AQP9: variants seen among roughly 807,000 people sequenced by gnomAD.
AQP9 encodes the protein aquaporin 9, also known as aquaporin-9.
Under a neutral mutation model 23.8 loss-of-function variants are expected in AQP9, and 19 were observed. That is an observed-to-expected ratio of 0.80 (90% CI 0.56 to 1.17). The LOEUF is 1.17. Among genes scored for constraint, AQP9 ranks in the 50% most tolerant of loss-of-function variants. AQP9 has a pLI of 0.00. For missense variants in AQP9, 413 were observed against 362.0 expected (o/e 1.14, Z -1.14); for synonymous variants, 153 against 131.5 (o/e 1.16, Z -1.12).
At chr15:58,140,462 A>C (rs1897932887) in intron 1 of AQP9, among the ~76,000 whole-genome samples, 1 of 152,214 alleles carries the variant, frequency 6.6e-6, no homozygotes, top group Admixed American at 6.5e-5. Flanking sequence ...TTTATACTAT[A>C]CATTTATTTT....
chr15:58,171,388 C>T (rs752214965), intron 2 of AQP9, among the ~76,000 whole-genome samples: 3 of 152,044 alleles, frequency 2.0e-5, no homozygotes, highest in African/African-American at 7.2e-5. Flanking sequence ...CACCTGGCCC[C>T]GCACCCCTTT....
intron 1 of AQP9, chr15:58,155,429 G>A (rs537949215): frequency 3.3e-5 from 5 of 152,212 alleles, no homozygotes; most frequent in African/African-American, 1.2e-4. Flanking sequence ...TCCGTATATT[G>A]GAACTGACCT....
intron 1 of AQP9, among the ~76,000 whole-genome samples, chr15:58,159,897 C>G (rs1293351069): frequency 1.3e-5 from 2 of 152,114 alleles, no homozygotes; most frequent in African/African-American, 2.4e-5. Context: ...TTTCTTTATC[C>G]ATTAATCTGG....
At chr15:58,167,872 ACTGCCACAC>A (rs1281933838) in intron 2 of AQP9, among the ~76,000 whole-genome samples, 5 of 151,930 alleles carry the variant, frequency 3.3e-5, no homozygotes, top group Non-Finnish European at 7.4e-5. Context: ...ACAGGCACAC[ACTGCCACAC>A]CTGGCTAATT....
At chr15:58,149,915 C>T (rs917103228) in intron 1 of AQP9, among the ~76,000 whole-genome samples, 3 of 152,214 alleles carry the variant, frequency 2.0e-5, no homozygotes, top group Admixed American at 2.0e-4. Context: ...TGCCTATAGG[C>T]AGTCCTTCCT....
In AQP9 at chr15:58,183,865, T is replaced by A. The variant is rs1239690280; in HGVS notation, c.714-96T>A. 9.5e-6 allele frequency: 13 copies of A among 1,375,258 alleles called. No individual in the cohort carries two copies. In the East Asian group the frequency reaches 3.0e-4, roughly 32 times the overall value. The allele number at this position is 1,375,258 out of a possible 1,614,324, so 85.2% of individuals were successfully genotyped here. A position where few individuals can be genotyped will look rare whatever the true frequency, so the allele number is the denominator to read the frequency against. ...CTCTTGCTGAGTTAAGAGGGAACCATGAGTGTGAGAAAGACTAACAAGTGA... is the reference window on the plus strand; with the variant it reads ...CTCTTGCTGAGTTAAGAGGGAACCAAGAGTGTGAGAAAGACTAACAAGTGA... On this transcript the variant is annotated intron_variant, in intron 5 of 5. Transcript: ENST00000219919.
At chr15:58,172,972 G>A (rs2292712) in intron 2 of AQP9, 96 bp from the exon 3 acceptor site, 1,393,380 of 1,505,236 alleles carry the variant, frequency 0.93, 647,315 homozygotes, top group Non-Finnish European at 0.95. Flanking sequence ...GTAGTTCTCT[G>A]CCTAGAAGAC....
intron 1 of AQP9, among the ~76,000 whole-genome samples, chr15:58,156,640 A>G (rs565140531): frequency 1.3e-5 from 2 of 152,338 alleles, no homozygotes; most frequent in East Asian, 3.9e-4. Flanking sequence ...TGCAGTTTAT[A>G]TAGCATTTTC....
chr15:58,154,372 C>T (rs1474818170), intron 1 of AQP9: 2 of 152,018 alleles, frequency 1.3e-5, no homozygotes, highest in African/African-American at 4.8e-5. Flanking sequence ...TATTTTACCT[C>T]TTCTAACTCT....
chr15:58,175,604 A>G (rs1347103442), intron 4 of AQP9, among the ~76,000 whole-genome samples: 10 of 152,214 alleles, frequency 6.6e-5, no homozygotes, highest in Admixed American at 2.0e-4. Context: ...CAGGACTAAC[A>G]TTGTCAACTC....
rs764829595 is a variant in AQP9 at position 58,184,127 on chromosome 15, A to G, written c.880A>G (p.Ile294Val). ...ACCAGAGAAATATGAACTCAGTGTC[A>G]TCATGTAGTGGCATGCTCAGCTCTG... ...DKPEKYELSVIM is the reference protein window; with the variant it reads ...DKPEKYELSVVM The change falls in exon 6 of 6, where the codon ATC becomes GTC. Residue 294 changes from isoleucine to valine, a missense_variant. Ile to Val is a conservative substitution (Grantham distance 29). Coordinates refer to ENST00000219919, the MANE Select transcript of AQP9 (RefSeq NM_020980.5). 1.9e-6 allele frequency: 3 copies of G among 1,614,026 alleles called. No individual in the cohort carries two copies. The highest frequency in any genetic ancestry group is 3.3e-5 in the Admixed American group (2 of 60,016).
intron 1 of AQP9, among the ~76,000 whole-genome samples, chr15:58,143,740 T>C (rs976530548): frequency 1.3e-5 from 2 of 152,208 alleles, no homozygotes; most frequent in African/African-American, 4.8e-5. Flanking sequence ...GTATGACTGG[T>C]TTATGTACCC....
Position 58,181,380 on chromosome 15 carries a change from T to C in AQP9, c.713+2035T>C, listed in dbSNP as rs910242953. Among the ~76,000 whole-genome samples, 4 of 152,184 alleles carry C rather than the reference T, an allele frequency of 2.6e-5. No individual in the cohort carries two copies. In the South Asian group the frequency reaches 6.2e-4, roughly 24 times the overall value. On this transcript the variant is annotated intron_variant, in intron 5 of 5. Transcript: ENST00000219919. The stretch of plus-strand genomic sequence containing the variant: ...TTATTCCAGAAGCTCTTACACAAGG[T>C]TGAAGCAGTCAAGTGCCATTAAAGA...
chr15:58,181,017 A>T (rs1209054659), intron 5 of AQP9, among the ~76,000 whole-genome samples: 2 of 152,138 alleles, frequency 1.3e-5, no homozygotes, highest in African/African-American at 4.8e-5. Flanking sequence ...CACCATCCAG[A>T]GTCTCAGTCT....
In AQP9 at chr15:58,179,202, C is replaced by T; in HGVS notation, c.570C>T (p.Gly190=). The change falls in exon 5 of 6, where the codon GGC becomes GGT. Residue 190 remains glycine, a synonymous_variant. Coordinates refer to ENST00000219919, the MANE Select transcript of AQP9 (RefSeq NM_020980.5). ...FDSRNLGAPR[G]LEPIAIGLLI... is the part of the protein sequence containing the mutation. The stretch of plus-strand genomic sequence containing the variant: ...CCAGAAACTTGGGAGCCCCCAGAGG[C>T]CTAGAGCCCATTGCCATCGGCCTCC... 2 of 1,614,064 alleles carry T rather than the reference C, an allele frequency of 1.2e-6. No homozygotes were observed. Among genetic ancestry groups the T allele is most frequent in the Non-Finnish European group, 1.7e-6 (2 of 1,179,934 alleles).
rs2292713 is a variant in AQP9 at position 58,173,284 on chromosome 15, C to T, written c.376+79C>T. The T allele has an allele frequency of 0.9, 1,433,648 of 1,584,258 alleles. 652,150 individuals are homozygous for T. Among genetic ancestry groups the T allele is most frequent in the Non-Finnish European group, 0.93 (1,077,505 of 1,161,434 alleles). ...GTCAGAATTACTTGGTAGGCACAGGCGAGAAAAAGCAAGGACGGGAAGCAT... is the reference window on the plus strand; with the variant it reads ...GTCAGAATTACTTGGTAGGCACAGGTGAGAAAAAGCAAGGACGGGAAGCAT... On this transcript the variant is annotated intron_variant, in intron 3 of 5. Coordinates refer to ENST00000219919, the MANE Select transcript of AQP9 (RefSeq NM_020980.5).
intron 1 of AQP9, among the ~76,000 whole-genome samples, chr15:58,142,248 T>C (rs1172261126): frequency 6.6e-6 from 1 of 152,154 alleles, no homozygotes; most frequent in East Asian, 1.9e-4. Context: ...ATCAACTGCA[T>C]TTTGCCAGAT....
chr15:58,159,797 GAC>G (rs1249948989), intron 1 of AQP9, among the ~76,000 whole-genome samples: 2 of 152,200 alleles, frequency 1.3e-5, no homozygotes, highest in East Asian at 3.9e-4. Context: ...TTAACATAAT[GAC>G]CTCCAGTTCC....
intron 1 of AQP9, among the ~76,000 whole-genome samples, chr15:58,143,945 T>G (rs60802802): frequency 0.067 from 10,235 of 152,288 alleles, 532 homozygotes; most frequent in Admixed American, 0.16. Flanking sequence ...AAAGTTGTAC[T>G]TCCAGTAGCG....
Sources: allele counts gnomAD v4.1 joint callset (sites outside exome capture counted in the v4.1 genomes callset), GRCh38; gene constraint gnomAD v4.1.1; transcripts MANE v1.5; gene names NCBI Gene and HGNC (gene_info 2026-07-23, HGNC 2026-07-21).